Variants in ENOX1 observed in about 807,000 individuals in gnomAD.
The protein encoded by ENOX1 is candidate growth-related and time keeping constitutive hydroquinone (NADH) oxidase.
ENOX1 carries 42 observed loss-of-function variants against 82.5 expected under a neutral mutation model. The observed-to-expected ratio is 0.51, with a 90% CI of 0.40 to 0.66. The LOEUF (loss-of-function observed/expected upper bound fraction) is 0.66, where lower values mean the gene tolerates loss of function less well. Ranked by LOEUF, ENOX1 falls within the 30% of genes least tolerant of loss-of-function variation. The probability of loss-of-function intolerance (pLI) is 0.00; values close to 1 mark genes in which losing one functional copy is unlikely to be tolerated. For missense variants in ENOX1, 608 were observed against 811.6 expected, an observed-to-expected ratio of 0.75 and a Z score of 3.05; for synonymous variants, 271 against 282.2, an observed-to-expected ratio of 0.96 and a Z score of 0.40.
At chr13:43,428,646 T>C (rs990808617) in intron 3 of ENOX1, among the ~76,000 whole-genome samples, 4 of 152,210 alleles carry the variant, frequency 2.6e-5, no homozygotes, top group African/African-American at 9.7e-5. Context: ...TCTTCTGTTC[T>C]ACTTCTCTTA....
At chr13:43,596,356 T>C (rs1041525933) in intron 2 of ENOX1, among the ~76,000 whole-genome samples, 2 of 152,234 alleles carry the variant, frequency 1.3e-5, no homozygotes, top group African/African-American at 4.8e-5. Context: ...ACAACAATTA[T>C]CATAGGAAAT....
chr13:43,387,274 A>G (rs1485430421), intron 5 of ENOX1, among the ~76,000 whole-genome samples: 1 of 152,210 alleles, frequency 6.6e-6, no homozygotes, highest in Non-Finnish European at 1.5e-5. Context: ...GGAGGGAGGA[A>G]GCCGTTTGAT....
chr13:43,414,834 G>A (rs564459512), intron 3 of ENOX1, among the ~76,000 whole-genome samples: 22 of 152,122 alleles, frequency 1.4e-4, no homozygotes, highest in Admixed American at 2.6e-4. Context: ...TGCAGTTCTG[G>A]AACACTATAT....
At chr13:43,677,957 A>C (rs9525823) in intron 1 of ENOX1, among the ~76,000 whole-genome samples, 13,376 of 152,172 alleles carry the variant, frequency 0.088, 927 homozygotes, top group African/African-American at 0.19. Context: ...TTGTCCTCTA[A>C]TTCTCTATTC....
intron 2 of ENOX1, among the ~76,000 whole-genome samples, chr13:43,647,549 A>G (rs962233636): frequency 1.3e-5 from 2 of 152,144 alleles, no homozygotes; most frequent in African/African-American, 2.4e-5. Context: ...TTCCACAAAT[A>G]TTTCTTGTGG....
chr13:43,594,772 C>T (rs536331151), intron 2 of ENOX1, among the ~76,000 whole-genome samples: 187 of 152,218 alleles, frequency 1.2e-3, no homozygotes, highest in African/African-American at 3.6e-3. Context: ...AACCTCACGA[C>T]CGAAGTTGAA....
At chr13:43,772,422 T>G (rs951225364) in intron 1 of ENOX1, among the ~76,000 whole-genome samples, 1 of 152,138 alleles carries the variant, frequency 6.6e-6, no homozygotes, top group African/African-American at 2.4e-5. Context: ...CTGTGTCTGA[T>G]TGTAATTCCC....
chr13:43,490,810 C>A (rs894200035), intron 2 of ENOX1, among the ~76,000 whole-genome samples: 1 of 152,166 alleles, frequency 6.6e-6, no homozygotes, highest in African/African-American at 2.4e-5. Flanking sequence ...TTATAAATTA[C>A]CCCATCTATT....
At chr13:43,489,327 C>A (rs1284014731) in intron 2 of ENOX1, among the ~76,000 whole-genome samples, 1 of 152,156 alleles carries the variant, frequency 6.6e-6, no homozygotes, top group Non-Finnish European at 1.5e-5. Context: ...TCAGCCTCCC[C>A]AGCTGTGGCT....
chr13:43,444,481 T>C lies in ENOX1; in HGVS notation c.-74-31493A>G, dbSNP rs531357746. Among the ~76,000 whole-genome samples, 4 of 152,280 alleles carry C rather than the reference T, an allele frequency of 2.6e-5. No homozygotes were observed. In the South Asian group the frequency reaches 8.3e-4, roughly 32 times the overall value. On this transcript the variant is annotated intron_variant, in intron 3 of 16. Coordinates refer to ENST00000690772, the MANE Select transcript of ENOX1 (RefSeq NM_001347969.2). The stretch of plus-strand genomic sequence containing the variant: ...GAAAAAAGTTCTGGGACATCCCTTG[T>C]CTTCAGCTGGGTTCTAGGAAAAGGC...
intron 1 of ENOX1, among the ~76,000 whole-genome samples, chr13:43,711,794 G>T (rs367628171): frequency 2.4e-4 from 36 of 150,778 alleles, no homozygotes; most frequent in Middle Eastern, 3.4e-3. Context: ...TAAATTTGTT[G>T]GAGTTCATTG....
chr13:43,256,453 C>A (rs551944253), intron 14 of ENOX1, among the ~76,000 whole-genome samples: 39 of 151,934 alleles, frequency 2.6e-4, no homozygotes, highest in Non-Finnish European at 5.0e-4. Flanking sequence ...ACATAAGGAA[C>A]TCAATAGCAA....
chr13:43,741,838 ATC>A (rs1365530559), intron 1 of ENOX1, among the ~76,000 whole-genome samples: 1 of 152,174 alleles, frequency 6.6e-6, no homozygotes, highest in Non-Finnish European at 1.5e-5. Context: ...GAAGATTTAC[ATC>A]TGTTTTCTTC....
At chr13:43,465,585 C>T (rs1481111138) in intron 3 of ENOX1, among the ~76,000 whole-genome samples, 1 of 152,164 alleles carries the variant, frequency 6.6e-6, no homozygotes, top group African/African-American at 2.4e-5. Context: ...CTGGGCACTG[C>T]ATGTGCTTGA....
chr13:43,733,702 G>C (rs953622150), intron 1 of ENOX1, among the ~76,000 whole-genome samples: 2 of 152,130 alleles, frequency 1.3e-5, no homozygotes, highest in African/African-American at 4.8e-5. Context: ...AAAAAAGCTT[G>C]AGTTATTAAA....
At chr13:43,761,884 T>C (rs1414005826) in intron 1 of ENOX1, among the ~76,000 whole-genome samples, 2 of 152,164 alleles carry the variant, frequency 1.3e-5, no homozygotes, top group South Asian at 2.1e-4. Flanking sequence ...TAAAATAAAA[T>C]AAAAGTGTGT....
At chr13:43,699,907 T>C (rs1349977743) in intron 1 of ENOX1, among the ~76,000 whole-genome samples, 1 of 152,226 alleles carries the variant, frequency 6.6e-6, no homozygotes, top group Non-Finnish European at 1.5e-5. Flanking sequence ...CACATCAGGA[T>C]AACTGAGATA....
chr13:43,353,967 C>T (rs770360219), intron 8 of ENOX1, among the ~76,000 whole-genome samples: 21 of 152,222 alleles, frequency 1.4e-4, no homozygotes, highest in Non-Finnish European at 3.1e-4. Context: ...TGCGGAGACA[C>T]TTCTGTACTG....
chr13:43,753,696 G>A (rs1357020599), intron 1 of ENOX1, among the ~76,000 whole-genome samples: 1 of 152,158 alleles, frequency 6.6e-6, no homozygotes, highest in African/African-American at 2.4e-5. Context: ...CTTTGGCCTA[G>A]ATAGTTTGAG....
Sources: allele counts gnomAD v4.1 joint callset (sites outside exome capture counted in the v4.1 genomes callset), GRCh38; gene constraint gnomAD v4.1.1; transcripts MANE v1.5; gene names NCBI Gene and HGNC (gene_info 2026-07-23, HGNC 2026-07-21).